The following CACNA2D4 variants were observed in gnomAD, a reference collection of about 807,000 sequenced individuals.
CACNA2D4 encodes voltage-dependent calcium channel subunit alpha-2/delta-4.
In CACNA2D4, 157 loss-of-function variants were observed where a neutral mutation model predicts 163.8. That is an observed-to-expected ratio of 0.96 (90% CI 0.84 to 1.09). CACNA2D4 has a LOEUF of 1.09. Among genes scored for constraint, CACNA2D4 ranks in the 50% least tolerant of loss-of-function variants. CACNA2D4 has a pLI of 0.00. For missense variants in CACNA2D4, 1,410 were observed against 1,479.9 expected (o/e 0.95, Z 0.78); for synonymous variants, 598 against 586.9 (o/e 1.02, Z -0.27).
chr12:1,842,070 A>G (rs1865036767), intron 25 of CACNA2D4, among the ~76,000 whole-genome samples: 1 of 152,186 alleles, frequency 6.6e-6, no homozygotes. Context: ...TACCCCAGCC[A>G]GCAGAGGCTT....
chr12:1,813,375 C>A (rs78843964), intron 26 of CACNA2D4, among the ~76,000 whole-genome samples: 6,082 of 152,148 alleles, frequency 0.04, 245 homozygotes, highest in African/African-American at 0.092. Context: ...TAGGGAACCC[C>A]CGTCCTAAAG....
Position 1,918,563 on chromosome 12 carries a change from T to A in CACNA2D4, c.-90A>T, listed in dbSNP as rs1489481950. ...GAGCCTGGGGTCTCCAGCCTCTCAG[T>A]CCTGGGTGGGGAGGGCTTCTCTCTG... On this transcript the variant is annotated 5_prime_UTR_variant, in exon 1 of 38. Transcript: ENST00000382722. The A allele has an allele frequency of 4.0e-6, 4 of 997,842 alleles. No homozygotes were observed. The East Asian group carries it at 1.1e-4, about 27-fold the overall frequency. The allele number at this position is 997,842 out of a possible 1,614,324, so 61.8% of individuals were successfully genotyped here.
chr12:1,871,050 T>C (rs1396717039), intron 18 of CACNA2D4, among the ~76,000 whole-genome samples: 1 of 152,146 alleles, frequency 6.6e-6, no homozygotes, highest in African/African-American at 2.4e-5. Flanking sequence ...TGTGTATACG[T>C]GTGTGTTGCT....
chr12:1,809,273 C>A, intron 29 of CACNA2D4: 1 of 525,604 alleles, frequency 1.9e-6, no homozygotes. Flanking sequence ...TGGCCTTGGC[C>A]ACGACCTCTG....
At chr12:1,849,134 A>G (rs951677361) in intron 23 of CACNA2D4, among the ~76,000 whole-genome samples, 4 of 152,204 alleles carry the variant, frequency 2.6e-5, no homozygotes, top group Non-Finnish European at 5.9e-5. Context: ...GAGGACTGAC[A>G]TTGAAAGTCC....
intron 35 of CACNA2D4, 119 bp from the exon 36 acceptor site, chr12:1,795,899 G>A: frequency 1.4e-6 from 1 of 727,286 alleles, no homozygotes; most frequent in East Asian, 2.5e-5. Context: ...CCGGAACCAT[G>A]AGGCAGGGCG....
chr12:1,874,891 C>G lies in CACNA2D4; in HGVS notation c.1807-216G>C, dbSNP rs574333036. On this transcript the variant is annotated intron_variant, in intron 17 of 37. Coordinates refer to ENST00000382722, the MANE Select transcript of CACNA2D4 (RefSeq NM_172364.5). The surrounding 1 kb of genome is among the most constrained non-coding windows in gnomAD (Gnocchi z 4.4). ...CACCAAGATCCCACTCCCATGTGCA[C>G]TGATGCATTGGGGTACAGAGTGCCA... Among the ~76,000 whole-genome samples, 1 of 152,186 alleles carries G rather than the reference C, an allele frequency of 6.6e-6. No individual in the cohort carries two copies. Among genetic ancestry groups the G allele is most frequent in the South Asian group, 2.1e-4 (1 of 4,826 alleles).
At chr12:1,797,266 G>A (rs1223335270) in intron 35 of CACNA2D4, among the ~76,000 whole-genome samples, 152 bp downstream of exon 35, 2 of 152,262 alleles carry the variant, frequency 1.3e-5, no homozygotes, top group Non-Finnish European at 2.9e-5. Flanking sequence ...GGCGGGGGAA[G>A]ACCCCGGGAG....
intron 18 of CACNA2D4, among the ~76,000 whole-genome samples, chr12:1,864,263 A>G (rs1287222445): frequency 6.6e-6 from 1 of 152,216 alleles, no homozygotes; most frequent in Non-Finnish European, 1.5e-5. Context: ...GAATGAGGAA[A>G]CCAACCCCGG....
At chr12:1,860,263 C>G in intron 18 of CACNA2D4, 57 bp from the exon 19 acceptor site, 1 of 1,398,662 alleles carries the variant, frequency 7.1e-7, no homozygotes, top group East Asian at 2.3e-5. Context: ...CCCCAGCCCC[C>G]ACCTCGCCCC....
chr12:1,829,112 G>A lies in CACNA2D4; in HGVS notation c.2551+11627C>T, dbSNP rs563385505. Among the ~76,000 whole-genome samples, 26 of 152,310 alleles carry A rather than the reference G, an allele frequency of 1.7e-4. No individual in the cohort carries two copies. Among genetic ancestry groups the A allele is most frequent in the East Asian group, 5.8e-4 (3 of 5,182 alleles). On this transcript the variant is annotated intron_variant, in intron 26 of 37. Transcript: ENST00000382722. This position sits in a 1 kb window ranked among gnomAD's most constrained non-coding sequence, Gnocchi z 4.2. ...AGAATCACTCAACACCTCGCAATAC[G>A]GGCTTATGTTTTCTTGTCACTGGAG...
Position 1,801,038 on chromosome 12 carries a change from C to T in CACNA2D4, c.2868+5G>A, listed in dbSNP as rs1378416484. The T allele has an allele frequency of 7.4e-6, 12 of 1,612,666 alleles. No homozygotes were observed. Among genetic ancestry groups the T allele is most frequent in the South Asian group, 1.1e-5 (1 of 91,008 alleles). On this transcript the variant is annotated splice_donor_5th_base_variant and intron_variant, in intron 31 of 37. Coordinates refer to ENST00000382722, the MANE Select transcript of CACNA2D4 (RefSeq NM_172364.5). ...TGGCAGAGGGAAGGGCTGGGTGACA[C>T]TCACGCTGACCAGGGGCTGGGCTGC...
chr12:1,804,038 C>T lies in CACNA2D4; in HGVS notation c.2722-2394G>A, dbSNP rs141026573. ...ACATTGAAATCCTGCCTGTTCTTCA[C>T]GGCGCAGCCCTGAAGCTCTCCCTGG... On this transcript the variant is annotated intron_variant, in intron 29 of 37. Transcript: ENST00000382722. Among the ~76,000 whole-genome samples, 18 of 152,238 alleles carry T rather than the reference C, an allele frequency of 1.2e-4. 1 individual carries two copies. Among genetic ancestry groups the T allele is most frequent in the African/African-American group, 4.1e-4 (17 of 41,522 alleles).
Position 1,844,507 on chromosome 12 carries a change from C to A in CACNA2D4, c.2365G>T (p.Glu789Ter), listed in dbSNP as rs199886801. The change falls in exon 25 of 38, where the codon GAG becomes TAG. Residue 789 changes from glutamate to a stop codon, truncating the protein, a stop_gained. Transcript: ENST00000382722. LOFTEE classifies it high-confidence loss of function. This position sits in a 1 kb window ranked among gnomAD's most constrained non-coding sequence, Gnocchi z 4.2. ...CGGTCCAGGGTGAACACGCTGGCCT[C>A]GTCCTCAGGTGTCAGGAACTTCCTG... is the stretch of plus-strand genomic sequence containing the variant. ...SDRKFLTPED[E>*]ASVFTLDRFP... 3 of 1,613,064 alleles carry A rather than the reference C, an allele frequency of 1.9e-6. No homozygotes were observed. The Admixed American group carries it at 5.0e-5, about 27-fold the overall frequency.
intron 18 of CACNA2D4, among the ~76,000 whole-genome samples, chr12:1,870,662 C>T (rs1234321826): frequency 6.6e-6 from 1 of 151,918 alleles, no homozygotes; most frequent in Admixed American, 6.6e-5. Flanking sequence ...TTGTTATCTG[C>T]TGAAGGGTGA....
At chr12:1,886,958 A>C in intron 7 of CACNA2D4, 51 bp downstream of exon 7, 7 of 1,405,848 alleles carry the variant, frequency 5.0e-6, no homozygotes, top group Non-Finnish European at 6.9e-6. Flanking sequence ...AAAACCCAAA[A>C]GCTATGAGAT....
At position 1,802,535 on chromosome 12, in the gene CACNA2D4, G is replaced by T. The variant is rs1592651975; in HGVS notation, c.2722-891C>A. On this transcript the variant is annotated intron_variant, in intron 29 of 37. Coordinates refer to ENST00000382722, the MANE Select transcript of CACNA2D4 (RefSeq NM_172364.5). This position sits in a 1 kb window ranked among gnomAD's most constrained non-coding sequence, Gnocchi z 4.7. ...GCCACCTCTCATGGCCTCTGTACCT[G>T]CCTTGGCCTCTTGAGTCTGCCATTT... Among the ~76,000 whole-genome samples, 1 of 152,240 alleles carries T rather than the reference G, an allele frequency of 6.6e-6. No homozygotes were observed. The highest frequency in any genetic ancestry group is 2.1e-4 in the South Asian group (1 of 4,834).
intron 29 of CACNA2D4, among the ~76,000 whole-genome samples, chr12:1,809,980 G>A (rs1401980414): frequency 6.6e-6 from 1 of 152,362 alleles, no homozygotes; most frequent in East Asian, 1.9e-4. Flanking sequence ...GCAGGGCCCT[G>A]AGATGGGGTC....
chr12:1,885,893 C>T (rs1866127339), intron 9 of CACNA2D4, 72 bp downstream of exon 9: 5 of 1,106,904 alleles, frequency 4.5e-6, no homozygotes, highest in Non-Finnish European at 2.7e-6. Flanking sequence ...CAGAAACAGT[C>T]TACAGAGACA....
Sources: gnomAD v4.1 joint callset for allele counts (sites outside exome capture counted in the v4.1 genomes callset) on GRCh38, gnomAD v4.1.1 for gene constraint, Gnocchi (gnomAD v3.1) non-coding constraint, MANE v1.5 for transcripts, NCBI Gene and HGNC (gene_info 2026-07-23, HGNC 2026-07-21) for gene names.